Variants in ZDHHC17 observed in about 807,000 individuals in gnomAD.
The protein encoded by ZDHHC17 is palmitoyltransferase ZDHHC17.
In ZDHHC17, 40 loss-of-function variants were observed where a neutral mutation model predicts 90.3. The ratio of observed to expected loss-of-function variants is 0.44; its 90% confidence interval spans 0.34 to 0.58. ZDHHC17 has a LOEUF of 0.58. ZDHHC17 is among the 20% of genes least tolerant of loss of function. The probability of loss-of-function intolerance (pLI) is 0.01; values close to 1 mark genes in which losing one functional copy is unlikely to be tolerated. For synonymous variants in ZDHHC17, 235 were observed against 252.4 expected, an observed-to-expected ratio of 0.93 and a Z score of 0.65; for missense variants, 614 against 780.8, an observed-to-expected ratio of 0.79 and a Z score of 2.55.
chr12:76,808,953 A>C (rs1188723795), intron 3 of ZDHHC17, 90 bp from the exon 4 acceptor site: 3 of 744,270 alleles, frequency 4.0e-6, no homozygotes, highest in Non-Finnish European at 5.9e-6. Context: ...TGAGATCTGA[A>C]ATAGAAAACA....
At chr12:76,820,032 A>G (rs1365551046) in intron 7 of ZDHHC17, among the ~76,000 whole-genome samples, 5 of 151,740 alleles carry the variant, frequency 3.3e-5, no homozygotes, top group Non-Finnish European at 7.4e-5. Context: ...ATACTAAATG[A>G]TAGGTAACTT....
intron 1 of ZDHHC17, 57 bp downstream of exon 1, chr12:76,764,386 C>T (rs1952404164): frequency 4.0e-6 from 6 of 1,495,260 alleles, no homozygotes; most frequent in Admixed American, 4.2e-5. Context: ...CTTTCTTCCC[C>T]GGACTCGCCG....
chr12:76,787,960 CA>C (rs1375681201), intron 1 of ZDHHC17, among the ~76,000 whole-genome samples: 1 of 152,132 alleles, frequency 6.6e-6, no homozygotes, highest in Non-Finnish European at 1.5e-5. Context: ...CCTGTACTAC[CA>C]ACTACTCAGG....
chr12:76,849,900 T>C (rs556238501), intron 16 of ZDHHC17, among the ~76,000 whole-genome samples: 4 of 152,112 alleles, frequency 2.6e-5, no homozygotes, highest in Non-Finnish European at 5.9e-5. Context: ...ACAAAAATTA[T>C]ATAAGGCACA....
intron 1 of ZDHHC17, chr12:76,769,260 A>T (rs145823543): frequency 6.0e-6 from 1 of 165,882 alleles, no homozygotes; most frequent in African/African-American, 2.4e-5. Context: ...GGGTTTCACC[A>T]TGTTGGCCAG....
intron 5 of ZDHHC17, among the ~76,000 whole-genome samples, chr12:76,812,896 T>C (rs1953042895): frequency 6.6e-6 from 1 of 152,130 alleles, no homozygotes; most frequent in African/African-American, 2.4e-5. Flanking sequence ...TGGAGCCCTG[T>C]TGATCATGGA....
chr12:76,848,490 C>A, intron 15 of ZDHHC17, 100 bp downstream of exon 15: 1 of 1,212,264 alleles, frequency 8.2e-7, no homozygotes, highest in Non-Finnish European at 1.1e-6. Flanking sequence ...TCCTGCTCTT[C>A]AAATATTCAT....
intron 4 of ZDHHC17, 61 bp from the exon 5 acceptor site, chr12:76,809,652 C>T (rs1952996437): frequency 7.6e-7 from 1 of 1,316,454 alleles, no homozygotes; most frequent in African/African-American, 1.5e-5. Flanking sequence ...AAAAGCTCTT[C>T]CCAGAGGATC....
intron 10 of ZDHHC17, among the ~76,000 whole-genome samples, chr12:76,835,020 TA>T (rs1199604417): frequency 1.4e-5 from 2 of 145,616 alleles, no homozygotes; most frequent in Non-Finnish European, 3.0e-5. Context: ...ATTTTTTTTT[TA>T]GAATAAGCTC....
At chr12:76,837,463 C>CT (rs1350885333) in intron 10 of ZDHHC17, among the ~76,000 whole-genome samples, 2 of 152,240 alleles carry the variant, frequency 1.3e-5, no homozygotes, top group Admixed American at 6.5e-5. Flanking sequence ...CCACTGCACT[C>CT]TGGCCTGGGC....
intron 10 of ZDHHC17, among the ~76,000 whole-genome samples, chr12:76,835,916 A>G (rs1385285094): frequency 1.1e-5 from 1 of 93,438 alleles, no homozygotes; most frequent in Non-Finnish European, 2.4e-5. Context: ...CTCTCCCTCT[A>G]CACCCCCTTT....
At chr12:76,850,271 T>C (rs545599587) in intron 16 of ZDHHC17, among the ~76,000 whole-genome samples, 94 of 152,316 alleles carry the variant, frequency 6.2e-4, no homozygotes, top group African/African-American at 2.2e-3. Context: ...TAAAATTTCA[T>C]GAACTTATCC....
At chr12:76,816,156 C>T in intron 7 of ZDHHC17, 137 bp downstream of exon 7, 1 of 551,820 alleles carries the variant, frequency 1.8e-6, no homozygotes, top group Non-Finnish European at 2.9e-6. Context: ...CCACATTATG[C>T]ATAATACATT....
chr12:76,809,046 C>A lies in ZDHHC17; in HGVS notation c.324C>A (p.Tyr108Ter). The change falls in exon 4 of 17, where the codon TAC becomes TAA. Residue 108 changes from tyrosine (Y) to a stop codon, truncating the protein, a stop_gained. Transcript: ENST00000426126. LOFTEE classifies it high-confidence loss of function. The part of the protein sequence containing the change: ...AINNRIDLVK[Y>*]YISKGAIVDQ... ...TATTATAAATTTTGTCTTATAGATA[C>A]TATATTTCGAAAGGTGCTATTGTGG... 6.6e-7 allele frequency: 1 copy of A among 1,519,220 alleles called. No individual in the cohort carries two copies. The highest frequency in any genetic ancestry group is 1.4e-5 in the South Asian group (1 of 73,158). The allele number at this position is 1,519,220 out of a possible 1,614,324, so 94.1% of individuals were successfully genotyped here. A position where few individuals can be genotyped will look rare whatever the true frequency, so the allele number is the denominator to read the frequency against.
intron 5 of ZDHHC17, among the ~76,000 whole-genome samples, chr12:76,813,107 T>C (rs1056312692): frequency 6.6e-6 from 1 of 152,098 alleles, no homozygotes; most frequent in Non-Finnish European, 1.5e-5. Flanking sequence ...TTTAATACTA[T>C]CATTTTTTAA....
chr12:76,797,989 T>A (rs1183344485), intron 2 of ZDHHC17, among the ~76,000 whole-genome samples: 1 of 150,128 alleles, frequency 6.7e-6, no homozygotes, highest in Non-Finnish European at 1.5e-5. Context: ...GAAAATTTAG[T>A]TTATTTCCCA....
chr12:76,775,353 T>G (rs2137716406), intron 1 of ZDHHC17, among the ~76,000 whole-genome samples: 1 of 152,326 alleles, frequency 6.6e-6, no homozygotes, highest in Admixed American at 6.5e-5. Context: ...ATTTCAGTGT[T>G]CTTGGTGGCT....
At chr12:76,778,269 A>G (rs1952583104) in intron 1 of ZDHHC17, among the ~76,000 whole-genome samples, 1 of 152,080 alleles carries the variant, frequency 6.6e-6, no homozygotes, top group African/African-American at 2.4e-5. Context: ...GTAGAAGGGC[A>G]CGATTTCAGC....
At chr12:76,776,418 C>T (rs1399446924) in intron 1 of ZDHHC17, among the ~76,000 whole-genome samples, 1 of 152,144 alleles carries the variant, frequency 6.6e-6, no homozygotes, top group Non-Finnish European at 1.5e-5. Flanking sequence ...GTAAATACTA[C>T]TTTAAAGTAC....
Sources: gnomAD v4.1 joint callset for allele counts (sites outside exome capture counted in the v4.1 genomes callset) on GRCh38, gnomAD v4.1.1 for gene constraint, MANE v1.5 for transcripts, NCBI Gene and HGNC (gene_info 2026-07-23, HGNC 2026-07-21) for gene names.